WWOX: variants seen among roughly 807,000 people sequenced by gnomAD.
WWOX encodes the protein WW domain-containing oxidoreductase.
WWOX carries 69 observed loss-of-function variants against 46.2 expected under a neutral mutation model. The observed-to-expected ratio is 1.49, with a 90% confidence interval of 1.23 to 1.82. The LOEUF is 1.82. Ranked by LOEUF, WWOX falls within the 40% of genes most tolerant of loss-of-function variation. The probability of loss-of-function intolerance (pLI) is 0.00; values close to 1 mark genes in which losing one functional copy is unlikely to be tolerated. For synonymous variants in WWOX, 359 were observed against 202.6 expected, an observed-to-expected ratio of 1.77 and a Z score of -6.56; for missense variants, 919 against 542.6, an observed-to-expected ratio of 1.69 and a Z score of -6.89.
At chr16:78,293,978 GAAAAAAAAAAAAA>G (rs35079271) in intron 5 of WWOX, among the ~76,000 whole-genome samples, 10 of 30,322 alleles carry the variant, frequency 3.3e-4, no homozygotes, top group Non-Finnish European at 4.7e-4. Flanking sequence ...CTCTGTCTCA[GAAAAAAAAAAAAA>G]AAAAAAAAAA....
Position 79,053,122 on chromosome 16 carries a change from T to C in WWOX, c.1057-158486T>C, listed in dbSNP as rs141127576. On this transcript the variant is annotated intron_variant, in intron 8 of 8. Coordinates refer to ENST00000566780, the MANE Select transcript of WWOX (RefSeq NM_016373.4). ...CTTTTGATCATGTTCTTCACAATAT[T>C]AGAGGTAAAACATGAACTCAACGCT... Among the ~76,000 whole-genome samples, 6 of 152,222 alleles carry C rather than the reference T, an allele frequency of 3.9e-5. No homozygotes were observed. In the East Asian group the frequency reaches 1.2e-3, roughly 29 times the overall value.
At chr16:78,901,645 G>T (rs1375187244) in intron 8 of WWOX, among the ~76,000 whole-genome samples, 1 of 152,106 alleles carries the variant, frequency 6.6e-6, no homozygotes, top group South Asian at 2.1e-4. Flanking sequence ...GGGCCACCAC[G>T]CTGGGTTAGT....
intron 8 of WWOX, among the ~76,000 whole-genome samples, chr16:79,089,043 T>G (rs1485226728): frequency 6.6e-6 from 1 of 152,198 alleles, no homozygotes; most frequent in Non-Finnish European, 1.5e-5. Context: ...TTGCCTGAAT[T>G]AGGGCCCTTT....
In WWOX at chr16:78,429,132, T is replaced by G. The variant is rs750509687; in HGVS notation, c.792-3356T>G. On this transcript the variant is annotated intron_variant, in intron 7 of 8. Transcript: ENST00000566780. The stretch of plus-strand genomic sequence containing the variant: ...CTGTAGTAAGCAACACTCAAGAATC[T>G]TACAGTCTACTTTCCAAGAATTCAC... 2.5e-4 allele frequency among the ~76,000 whole-genome samples: 38 copies of G among 152,224 alleles called. 1 individual carries two copies. The highest frequency in any genetic ancestry group is 2.2e-4 in the Non-Finnish European group (15 of 68,046).
chr16:78,906,861 G>A (rs189409490), intron 8 of WWOX, among the ~76,000 whole-genome samples: 1 of 152,324 alleles, frequency 6.6e-6, no homozygotes, highest in East Asian at 1.9e-4. Context: ...AATATGTCAA[G>A]CTTCCTAACT....
intron 8 of WWOX, among the ~76,000 whole-genome samples, chr16:78,823,879 G>T (rs1298611137): frequency 6.6e-6 from 1 of 151,632 alleles, no homozygotes; most frequent in Non-Finnish European, 1.5e-5. Context: ...GGGTTTAAGT[G>T]ATCCTGCCAC....
intron 8 of WWOX, among the ~76,000 whole-genome samples, chr16:78,714,022 G>C (rs946276119): frequency 2.6e-5 from 4 of 152,126 alleles, no homozygotes; most frequent in Non-Finnish European, 5.9e-5. Flanking sequence ...CATTTGGGGG[G>C]AAGGTAAGGG....
intron 5 of WWOX, among the ~76,000 whole-genome samples, chr16:78,333,067 T>TTTTTTTTTTTTTTTTTTTTTTA (rs2080800787): frequency 9.8e-6 from 1 of 102,550 alleles, no homozygotes. Context: ...TTTTTTTTTT[T>TTTTTTTTTTTTTTTTTTTTTTA]GAGACAGAGT....
At chr16:78,510,077 GTC>G (rs2085323520) in intron 8 of WWOX, among the ~76,000 whole-genome samples, 1 of 151,762 alleles carries the variant, frequency 6.6e-6, no homozygotes, top group Non-Finnish European at 1.5e-5. Flanking sequence ...CTGTCTGTCT[GTC>G]TGTCTGTCTG....
At chr16:78,499,154 T>G (rs1233958233) in intron 8 of WWOX, among the ~76,000 whole-genome samples, 2 of 152,090 alleles carry the variant, frequency 1.3e-5, no homozygotes, top group East Asian at 3.9e-4. Flanking sequence ...TTCCTCGTGA[T>G]GCACGGTGAT....
chr16:78,482,223 A>G (rs2084511603), intron 8 of WWOX, among the ~76,000 whole-genome samples: 1 of 152,072 alleles, frequency 6.6e-6, no homozygotes, highest in East Asian at 1.9e-4. Context: ...CCCAATGTCA[A>G]ATAACTCCAT....
intron 8 of WWOX, among the ~76,000 whole-genome samples, chr16:78,492,336 G>A (rs2978626): frequency 0.12 from 18,625 of 152,186 alleles, 1,469 homozygotes; most frequent in African/African-American, 0.22. Context: ...AGCAAAGTGG[G>A]TAAGTTGACC....
chr16:79,095,998 C>G (rs1316279693), intron 8 of WWOX, among the ~76,000 whole-genome samples: 1 of 147,078 alleles, frequency 6.8e-6, no homozygotes, highest in African/African-American at 2.5e-5. Context: ...TACAGGCATG[C>G]GCTGCCACAC....
At chr16:78,682,951 G>A (rs900639962) in intron 8 of WWOX, among the ~76,000 whole-genome samples, 17 of 152,128 alleles carry the variant, frequency 1.1e-4, no homozygotes, top group South Asian at 2.1e-4. Context: ...TGATTTCCCC[G>A]CGTAAATGAA....
chr16:78,461,821 A>AGGG (rs1475207864), intron 8 of WWOX, among the ~76,000 whole-genome samples: 1 of 152,156 alleles, frequency 6.6e-6, no homozygotes, highest in African/African-American at 2.4e-5. Context: ...TATTTATTTT[A>AGGG]GGGGAGGAAA....
At chr16:78,103,199 C>T (rs1450695335) in intron 1 of WWOX, among the ~76,000 whole-genome samples, 5 of 151,884 alleles carry the variant, frequency 3.3e-5, no homozygotes, top group Admixed American at 2.0e-4. Flanking sequence ...CCAGCCCTCC[C>T]GACTAGTGTC....
intron 5 of WWOX, among the ~76,000 whole-genome samples, chr16:78,247,627 C>T (rs2037853243): frequency 6.6e-6 from 1 of 152,172 alleles, no homozygotes; most frequent in Non-Finnish European, 1.5e-5. Flanking sequence ...TGCCCCCTGC[C>T]CCTTATAAAA....
intron 8 of WWOX, among the ~76,000 whole-genome samples, chr16:78,689,979 G>A (rs1308331199): frequency 6.6e-6 from 1 of 152,148 alleles, no homozygotes; most frequent in South Asian, 2.1e-4. Flanking sequence ...TCCTACCTCA[G>A]CCTCCTGAGT....
At chr16:78,244,924 T>A (rs937867901) in intron 5 of WWOX, among the ~76,000 whole-genome samples, 1 of 152,206 alleles carries the variant, frequency 6.6e-6, no homozygotes, top group African/African-American at 2.4e-5. Flanking sequence ...AAAAAAAGAT[T>A]GAAAAAGAAA....
Sources: allele counts gnomAD v4.1 joint callset (sites outside exome capture counted in the v4.1 genomes callset), GRCh38; gene constraint gnomAD v4.1.1; transcripts MANE v1.5; gene names NCBI Gene and HGNC (gene_info 2026-07-23, HGNC 2026-07-21).